Variants in ADAMTSL1 observed in about 807,000 individuals in gnomAD.
ADAMTSL1 encodes ADAMTS like 1.
ADAMTSL1 carries 126 observed loss-of-function variants against 201.8 expected under a neutral mutation model. The observed-to-expected ratio is 0.62, with a 90% CI of 0.54 to 0.72. The LOEUF (loss-of-function observed/expected upper bound fraction) is 0.72, where lower values mean the gene tolerates loss of function less well. ADAMTSL1 is among the 30% of genes least tolerant of loss of function. The pLI is 0.00. For missense variants in ADAMTSL1, 2,679 were observed against 2,277.8 expected (o/e 1.18, Z -3.59); for synonymous variants, 1,121 against 903.4 (o/e 1.24, Z -4.32).
At chr9:18,876,376 C>A (rs1207886897) in intron 23 of ADAMTSL1, among the ~76,000 whole-genome samples, 3 of 148,904 alleles carry the variant, frequency 2.0e-5, no homozygotes, top group African/African-American at 7.5e-5. Flanking sequence ...TTACAAAGTT[C>A]TATTTTGGTG....
chr9:18,246,605 A>T (rs866588678), intron 2 of ADAMTSL1, among the ~76,000 whole-genome samples: 1 of 152,338 alleles, frequency 6.6e-6, no homozygotes, highest in South Asian at 2.1e-4. Context: ...GCTCTAAAGT[A>T]TCTGCTATTT....
Position 18,817,163 on chromosome 9 carries a change from C to G in ADAMTSL1, c.3860C>G (p.Ala1287Gly). The G allele has an allele frequency of 1.3e-6, 2 of 1,595,486 alleles. No homozygotes were observed. The highest frequency in any genetic ancestry group is 2.3e-5 in the East Asian group (1 of 44,352). The change falls in exon 21 of 29, where the codon GCA becomes GGA. Residue 1287 changes from alanine to glycine, a missense_variant. Physicochemically the swap from Ala to Gly is moderately conservative, Grantham distance 60 (BLOSUM62 0). Coordinates refer to ENST00000380548, the MANE Select transcript of ADAMTSL1 (RefSeq NM_001040272.6). ...ACAGTGATCAACACGGAGAAGCCTGCAGTCACAGTCGATATAGGAAGCACC... is the reference window on the plus strand; with the variant it reads ...ACAGTGATCAACACGGAGAAGCCTGGAGTCACAGTCGATATAGGAAGCACC... ...RMTVINTEKP[A>G]VTVDIGSTIK... is the part of the protein sequence containing the mutation.
At chr9:18,332,362 A>G (rs1835064214) in intron 2 of ADAMTSL1, among the ~76,000 whole-genome samples, 1 of 152,220 alleles carries the variant, frequency 6.6e-6, no homozygotes, top group Non-Finnish European at 1.5e-5. Context: ...CCCTCAAAAT[A>G]AGGAGTGAAA....
rs374615706 is a variant in ADAMTSL1, at chr9:18,703,014, G to A, written c.1575-3733G>A. ...TGACCTCAGGTGATCTGCCTGCGTT[G>A]GCCTCCCAAAGTGCTGGGATCCCAG... On this transcript the variant is annotated intron_variant, in intron 13 of 28. Transcript: ENST00000380548. Among the ~76,000 whole-genome samples, 11 of 152,128 alleles carry A rather than the reference G, an allele frequency of 7.2e-5. No homozygotes were observed. In the East Asian group the frequency reaches 7.7e-4, roughly 11 times the overall value.
chr9:18,303,393 C>T (rs923716359), intron 2 of ADAMTSL1, among the ~76,000 whole-genome samples: 1 of 152,208 alleles, frequency 6.6e-6, no homozygotes, highest in Non-Finnish European at 1.5e-5. Context: ...CTTTCTTCAA[C>T]AGGTTTCCCA....
intron 5 of ADAMTSL1, among the ~76,000 whole-genome samples, chr9:18,626,873 T>TTCTTTCTG (rs1408299256): frequency 1.0e-5 from 1 of 100,396 alleles, no homozygotes; most frequent in African/African-American, 5.4e-5. Context: ...CTTTCTGTCT[T>TTCTTTCTG]TCTTCCTTCC....
At chr9:18,240,863 A>C (rs900922321) in intron 2 of ADAMTSL1, among the ~76,000 whole-genome samples, 2 of 152,310 alleles carry the variant, frequency 1.3e-5, no homozygotes, top group East Asian at 3.9e-4. Flanking sequence ...TTATAGAGGC[A>C]GCTTCTTTCC....
At chr9:18,902,024 T>A (rs971621098) in intron 26 of ADAMTSL1, among the ~76,000 whole-genome samples, 2 of 152,080 alleles carry the variant, frequency 1.3e-5, no homozygotes, top group African/African-American at 4.8e-5. Flanking sequence ...TCAAACAACA[T>A]AGACTATACA....
chr9:18,497,663 T>C (rs1428459183), intron 1 of ADAMTSL1, among the ~76,000 whole-genome samples: 2 of 152,246 alleles, frequency 1.3e-5, no homozygotes, highest in Non-Finnish European at 2.9e-5. Context: ...TATCTATGCC[T>C]TCCCTTGAGA....
At chr9:18,318,330 T>A (rs568678079) in intron 2 of ADAMTSL1, among the ~76,000 whole-genome samples, 1 of 152,230 alleles carries the variant, frequency 6.6e-6, no homozygotes, top group East Asian at 1.9e-4. Context: ...AGACTAATGG[T>A]TTTCAAACTG....
intron 2 of ADAMTSL1, among the ~76,000 whole-genome samples, chr9:18,215,558 C>G (rs762617783): frequency 1.3e-5 from 2 of 151,820 alleles, no homozygotes; most frequent in African/African-American, 4.8e-5. Flanking sequence ...GACTAGCAAT[C>G]AAAAAAAATC....
intron 5 of ADAMTSL1, among the ~76,000 whole-genome samples, chr9:18,630,402 C>T (rs1826682249): frequency 6.6e-6 from 1 of 152,190 alleles, no homozygotes; most frequent in South Asian, 2.1e-4. Context: ...TAGTATGCTG[C>T]TGGCTACTTT....
At chr9:18,004,851 A>G (rs2131541477) in intron 1 of ADAMTSL1, among the ~76,000 whole-genome samples, 1 of 152,194 alleles carries the variant, frequency 6.6e-6, no homozygotes, top group African/African-American at 2.4e-5. Context: ...ATTGAATCAA[A>G]ATTTAGGTGC....
At chr9:18,718,810 G>C (rs574635243) in intron 14 of ADAMTSL1, among the ~76,000 whole-genome samples, 5 of 152,324 alleles carry the variant, frequency 3.3e-5, no homozygotes, top group African/African-American at 1.2e-4. Context: ...CATGTGACAA[G>C]CCCACGGTCA....
intron 1 of ADAMTSL1, among the ~76,000 whole-genome samples, chr9:17,926,428 C>A (rs1588427184): frequency 6.6e-6 from 1 of 152,028 alleles, no homozygotes; most frequent in Admixed American, 6.6e-5. Context: ...TCGTCAGGAA[C>A]GCTTGGCTCA....
At chr9:18,100,506 G>A (rs1033444111) in intron 1 of ADAMTSL1, among the ~76,000 whole-genome samples, 2 of 152,148 alleles carry the variant, frequency 1.3e-5, no homozygotes, top group African/African-American at 4.8e-5. Flanking sequence ...TTGCATCAGC[G>A]TAGTTTTTCA....
intron 2 of ADAMTSL1, among the ~76,000 whole-genome samples, chr9:18,332,155 A>G (rs1372465253): frequency 7.2e-5 from 11 of 152,186 alleles, no homozygotes; most frequent in Admixed American, 5.2e-4. Flanking sequence ...AATATATTAT[A>G]TAACTACAAA....
intron 1 of ADAMTSL1, among the ~76,000 whole-genome samples, chr9:18,489,389 T>C (rs1177679771): frequency 6.6e-6 from 1 of 152,204 alleles, no homozygotes; most frequent in East Asian, 1.9e-4. Flanking sequence ...GGAAGCATTC[T>C]GGTGCCTAAT....
chr9:18,764,944 A>G (rs1476581884), intron 16 of ADAMTSL1, among the ~76,000 whole-genome samples: 1 of 152,160 alleles, frequency 6.6e-6, no homozygotes, highest in Non-Finnish European at 1.5e-5. Context: ...CAGTTGTGTT[A>G]TTTTCAATGA....
Sources: gnomAD v4.1 joint callset for allele counts (sites outside exome capture counted in the v4.1 genomes callset) on GRCh38, gnomAD v4.1.1 for gene constraint, MANE v1.5 for transcripts, NCBI Gene and HGNC (gene_info 2026-07-23, HGNC 2026-07-21) for gene names.